PAPPA2: variants seen among roughly 807,000 people sequenced by gnomAD.
PAPPA2 encodes the protein pappalysin-2.
PAPPA2 carries 86 observed loss-of-function variants against 176.4 expected under a neutral mutation model. The observed-to-expected ratio is 0.49, with a 90% CI of 0.41 to 0.58. PAPPA2 has a LOEUF of 0.58. Ranked by LOEUF, PAPPA2 falls within the 20% of genes least tolerant of loss-of-function variation. PAPPA2 has a pLI of 0.00. For synonymous variants in PAPPA2, 809 were observed against 852.2 expected, an observed-to-expected ratio of 0.95 and a Z score of 0.88; for missense variants, 2,073 against 2,256.9, an observed-to-expected ratio of 0.92 and a Z score of 1.65.
At chr1:176,783,899 T>C (rs1021309530) in intron 17 of PAPPA2, among the ~76,000 whole-genome samples, 2 of 152,182 alleles carry the variant, frequency 1.3e-5, no homozygotes, top group Admixed American at 1.3e-4. Flanking sequence ...TGGGCCCCTC[T>C]CAGGAGTTTT....
chr1:176,606,242 T>G (rs912923192), intron 3 of PAPPA2, among the ~76,000 whole-genome samples: 1 of 152,216 alleles, frequency 6.6e-6, no homozygotes, highest in Non-Finnish European at 1.5e-5. Flanking sequence ...CAGACATAAG[T>G]TAAACTCTGA....
intron 6 of PAPPA2, among the ~76,000 whole-genome samples, 177 bp downstream of exon 6, chr1:176,692,495 G>T (rs1051644302): frequency 6.6e-6 from 1 of 152,220 alleles, no homozygotes; most frequent in South Asian, 2.1e-4. Flanking sequence ...GAACTCATGG[G>T]CTCTCTTGTG....
chr1:176,729,331 T>A (rs950157398), intron 12 of PAPPA2, among the ~76,000 whole-genome samples: 1 of 152,092 alleles, frequency 6.6e-6, no homozygotes, highest in African/African-American at 2.4e-5. Context: ...TCTTTTATAT[T>A]CCATTGGTCT....
At chr1:176,816,153 T>TAC (rs1491211125) in intron 21 of PAPPA2, among the ~76,000 whole-genome samples, 12 of 8,162 alleles carry the variant, frequency 1.5e-3, no homozygotes, top group African/African-American at 5.4e-3. Flanking sequence ...TTTCACAGTG[T>TAC]ATATATATAT....
At chr1:176,648,123 T>C (rs1657517929) in intron 3 of PAPPA2, among the ~76,000 whole-genome samples, 1 of 151,588 alleles carries the variant, frequency 6.6e-6, no homozygotes, top group Admixed American at 6.6e-5. Context: ...ATCAGTGTTT[T>C]TTATAGTTTT....
chr1:176,628,444 C>T (rs537155372), intron 3 of PAPPA2, among the ~76,000 whole-genome samples: 8 of 152,070 alleles, frequency 5.3e-5, no homozygotes, highest in African/African-American at 1.7e-4. Context: ...GTAGGGGAGA[C>T]ATAAAGAGAC....
intron 14 of PAPPA2, among the ~76,000 whole-genome samples, chr1:176,751,389 T>C (rs1663167318): frequency 7.3e-6 from 1 of 137,648 alleles, no homozygotes; most frequent in Non-Finnish European, 1.6e-5. Context: ...GAAACTACCA[T>C]CAGAGTGAAC....
rs975262056 is a variant in PAPPA2 at position 176,807,286 on chromosome 1, G to A, written c.5202+7154G>A. Reference sequence around the variant, plus strand: ...AAGTGTGTGTATATGTTGAGAGGGCGAGAAGCTGAGCTGGGCTGGAGAGAG... The same window carrying A: ...AAGTGTGTGTATATGTTGAGAGGGCAAGAAGCTGAGCTGGGCTGGAGAGAG... On this transcript the variant is annotated intron_variant, in intron 21 of 22. Coordinates refer to ENST00000367662, the MANE Select transcript of PAPPA2 (RefSeq NM_020318.3). 4.6e-5 allele frequency among the ~76,000 whole-genome samples: 7 copies of A among 152,106 alleles called. No individual in the cohort carries two copies. The East Asian group carries it at 9.7e-4, about 21-fold the overall frequency.
intron 3 of PAPPA2, among the ~76,000 whole-genome samples, chr1:176,664,863 T>C (rs1658547282): frequency 6.6e-6 from 1 of 152,176 alleles, no homozygotes; most frequent in African/African-American, 2.4e-5. Flanking sequence ...ATATTCCTGG[T>C]TGATGATGTT....
At chr1:176,492,957 G>A (rs1407623430) in intron 1 of PAPPA2, among the ~76,000 whole-genome samples, 1 of 152,084 alleles carries the variant, frequency 6.6e-6, no homozygotes, top group African/African-American at 2.4e-5. Context: ...ATTTTCTGTT[G>A]TGATTCAGGA....
chr1:176,809,703 G>A lies in PAPPA2; in HGVS notation c.5202+9571G>A, dbSNP rs1445847599. Among the ~76,000 whole-genome samples the A allele has an allele frequency of 2.6e-5, 4 of 152,158 alleles. No individual in the cohort carries two copies. In the East Asian group the frequency reaches 5.8e-4, roughly 22 times the overall value. On this transcript the variant is annotated intron_variant, in intron 21 of 22. Coordinates refer to ENST00000367662, the MANE Select transcript of PAPPA2 (RefSeq NM_020318.3). ...TGCCCAGAGTTTTAGCCAAGAAGAG[G>A]TAGAGAGTAGCTGAAGCCTGACTAA... is the stretch of plus-strand genomic sequence containing the variant.
intron 4 of PAPPA2, among the ~76,000 whole-genome samples, chr1:176,675,404 A>T (rs531663398): frequency 6.6e-6 from 1 of 152,236 alleles, no homozygotes; most frequent in South Asian, 2.1e-4. Flanking sequence ...TATGATTAAT[A>T]TGTAAAAATA....
chr1:176,687,069 T>G (rs1659872026), intron 4 of PAPPA2, among the ~76,000 whole-genome samples: 1 of 152,346 alleles, frequency 6.6e-6, no homozygotes, highest in African/African-American at 2.4e-5. Context: ...GTTCTATATT[T>G]TCTATATTTC....
chr1:176,613,076 C>G (rs748424049), intron 3 of PAPPA2, among the ~76,000 whole-genome samples: 9 of 152,142 alleles, frequency 5.9e-5, no homozygotes, highest in Non-Finnish European at 8.8e-5. Flanking sequence ...GCAGTTGTCT[C>G]TTGGGAGGGG....
intron 21 of PAPPA2, among the ~76,000 whole-genome samples, chr1:176,826,331 G>A (rs1666863217): frequency 1.3e-5 from 2 of 152,226 alleles, no homozygotes; most frequent in South Asian, 4.1e-4. Context: ...AATGAACTCT[G>A]CTTAGCAAGG....
chr1:176,812,669 TCTA>T (rs1666207506), intron 21 of PAPPA2, among the ~76,000 whole-genome samples: 2 of 152,196 alleles, frequency 1.3e-5, no homozygotes. Context: ...TCCAATTCAT[TCTA>T]CTAACATAGA....
At chr1:176,530,516 G>A (rs1233606967) in intron 1 of PAPPA2, among the ~76,000 whole-genome samples, 3 of 152,002 alleles carry the variant, frequency 2.0e-5, no homozygotes, top group Non-Finnish European at 4.4e-5. Context: ...AGAACACTTG[G>A]TAACTATTGT....
chr1:176,737,995 A>T (rs987291687), intron 12 of PAPPA2, among the ~76,000 whole-genome samples: 6 of 152,222 alleles, frequency 3.9e-5, no homozygotes, highest in Admixed American at 6.5e-5. Flanking sequence ...GGCTCAGAAA[A>T]TGACACAGAA....
At chr1:176,485,553 C>T (rs777431803) in intron 1 of PAPPA2, among the ~76,000 whole-genome samples, 24 of 152,102 alleles carry the variant, frequency 1.6e-4, no homozygotes, top group Non-Finnish European at 2.2e-4. Context: ...AATTGTTCAC[C>T]GACTTTATTT....
Sources: allele counts gnomAD v4.1 joint callset (sites outside exome capture counted in the v4.1 genomes callset), GRCh38; gene constraint gnomAD v4.1.1; transcripts MANE v1.5; gene names NCBI Gene and HGNC (gene_info 2026-07-23, HGNC 2026-07-21).